IGF2BP1: variants seen among roughly 807,000 people sequenced by gnomAD.
IGF2BP1 encodes the protein insulin-like growth factor 2 mRNA-binding protein 1.
A neutral mutation model predicts 74.9 loss-of-function variants in IGF2BP1; 11 were observed. The observed-to-expected ratio is 0.15, with a 90% confidence interval of 0.09 to 0.24. IGF2BP1 has a LOEUF of 0.24. Among genes scored for constraint, IGF2BP1 ranks in the 10% least tolerant of loss-of-function variants. The pLI, the probability that IGF2BP1 is intolerant of heterozygous loss-of-function variation, is 1.00. For missense variants in IGF2BP1, 440 were observed against 757.4 expected, an observed-to-expected ratio of 0.58 and a Z score of 4.92; for synonymous variants, 287 against 281.8, an observed-to-expected ratio of 1.02 and a Z score of -0.18.
rs1201749575 is a variant in IGF2BP1 at position 49,053,652 on chromosome 17, C to CT, written c.*4210dup. 1 of 152,740 alleles carries CT rather than the reference C, an allele frequency of 6.5e-6. No individual in the cohort carries two copies. The highest frequency in any genetic ancestry group is 1.9e-4 in the East Asian group (1 of 5,192). 9.5% of individuals were successfully genotyped at this position (152,740 alleles called of 1,614,324 possible). ...GGCCTCAGTTAGCTCTCAAGGGTGCCTTCCCCTCCTCCCAACCCAGACATA... is the reference window on the plus strand; with the variant it reads ...GGCCTCAGTTAGCTCTCAAGGGTGCCTTTCCCCTCCTCCCAACCCAGACATA... On this transcript the variant is annotated 3_prime_UTR_variant, in exon 15 of 15. Coordinates refer to ENST00000290341, the MANE Select transcript of IGF2BP1 (RefSeq NM_006546.4).
chr17:48,997,848 G>C lies in IGF2BP1; in HGVS notation c.103G>C (p.Val35Leu), dbSNP rs754101030. The change falls in exon 1 of 15, where the codon GTC becomes CTC. Residue 35 changes from valine to leucine, a missense_variant. Physicochemically the swap from Val to Leu is conservative, Grantham distance 32. Transcript: ENST00000290341. The surrounding 1 kb of genome is among the most constrained non-coding windows in gnomAD (Gnocchi z 4.8). Reference protein sequence around the residue: ...HKISYSGQFLVKSGYAFVDCP... With the variant: ...HKISYSGQFLLKSGYAFVDCP... ...GATCTCCTACAGCGGCCAGTTCTTG[G>C]TCAAATCCGGCTACGCCTTCGTGGA... 6.2e-7 allele frequency: 1 copy of C among 1,614,180 alleles called. No homozygotes were observed. The highest frequency in any genetic ancestry group is 8.5e-7 in the Non-Finnish European group (1 of 1,180,022).
chr17:49,005,293 A>G lies in IGF2BP1; in HGVS notation c.236+6124A>G, dbSNP rs527815369. On this transcript the variant is annotated intron_variant, in intron 2 of 14. Transcript: ENST00000290341. ...ACCTGATTGCAACACACTGAAATGT[A>G]ACTGTGTGCAGAACAAACACCATCA... 3.9e-5 allele frequency among the ~76,000 whole-genome samples: 6 copies of G among 152,360 alleles called. No individual in the cohort carries two copies. In the South Asian group the frequency reaches 6.2e-4, roughly 16 times the overall value.
At chr17:49,024,219 C>T (rs2041825907) in intron 2 of IGF2BP1, among the ~76,000 whole-genome samples, 3 of 151,278 alleles carry the variant, frequency 2.0e-5, no homozygotes, top group Non-Finnish European at 4.4e-5. Context: ...GCGTGAGCCA[C>T]CGCGCGTGGC....
chr17:49,024,301 A>G (rs2041826894), intron 2 of IGF2BP1, among the ~76,000 whole-genome samples: 1 of 151,968 alleles, frequency 6.6e-6, no homozygotes, highest in South Asian at 2.1e-4. Flanking sequence ...GGTCCCAGCT[A>G]TACAGGAGGG....
intron 2 of IGF2BP1, among the ~76,000 whole-genome samples, chr17:49,009,961 TC>T (rs2041596893): frequency 6.6e-6 from 1 of 151,780 alleles, no homozygotes; most frequent in Non-Finnish European, 1.5e-5. Flanking sequence ...GCGCCTGTAA[TC>T]CTAGCTACTC....
chr17:49,012,477 T>C (rs2041632428), intron 2 of IGF2BP1: 1 of 152,206 alleles, frequency 6.6e-6, no homozygotes, highest in South Asian at 2.1e-4. Context: ...CTTCATAAAA[T>C]AAGCTGGATG....
At chr17:49,028,963 T>C (rs1445028966) in intron 4 of IGF2BP1, among the ~76,000 whole-genome samples, 1 of 152,100 alleles carries the variant, frequency 6.6e-6, no homozygotes, top group East Asian at 1.9e-4. Context: ...CCCACTACCA[T>C]GCCCAGCTAA....
At chr17:49,014,978 A>G in intron 2 of IGF2BP1, 1 of 977,322 alleles carries the variant, frequency 1.0e-6, no homozygotes, top group Non-Finnish European at 1.2e-6. Flanking sequence ...GACGCCTTCC[A>G]CTGGGCACCA....
In IGF2BP1 at chr17:49,051,790, G is replaced by A. The variant is rs2042169638; in HGVS notation, c.*2346G>A. ...GGAAAAAAGACAAGGCCACCCTCTC[G>A]CCCTCAGAGAGGTCCACCTGGTTTG... On this transcript the variant is annotated 3_prime_UTR_variant, in exon 15 of 15. Transcript: ENST00000290341. 6.6e-6 allele frequency: 1 copy of A among 151,934 alleles called. No individual in the cohort carries two copies. Among genetic ancestry groups the A allele is most frequent in the African/African-American group, 2.4e-5 (1 of 41,426 alleles). 9.4% of individuals were successfully genotyped at this position (151,934 alleles called of 1,614,324 possible).
Position 49,055,608 on chromosome 17 carries a change from G to T in IGF2BP1, c.*6164G>T. ...AGCACGTTCAAAATGAATTTCAGCA[G>T]ATTATGTGTTACCATAATGAATAAA... On this transcript the variant is annotated 3_prime_UTR_variant, in exon 15 of 15. Transcript: ENST00000290341. The T allele has an allele frequency of 2.5e-6, 1 of 398,596 alleles. No individual in the cohort carries two copies. The allele number at this position is 398,596 out of a possible 1,614,324, so 24.7% of individuals were successfully genotyped here.
In IGF2BP1 at chr17:49,050,931, A is replaced by G. The variant is rs774356775; in HGVS notation, c.*1487A>G. ...TTTAGCTACCCTGGACAATGCTATC[A>G]AGTGTGCTGGGAAGGGAGGAAGGCC... On this transcript the variant is annotated 3_prime_UTR_variant, in exon 15 of 15. Coordinates refer to ENST00000290341, the MANE Select transcript of IGF2BP1 (RefSeq NM_006546.4). 1.3e-5 allele frequency: 2 copies of G among 152,620 alleles called. No individual in the cohort carries two copies. The highest frequency in any genetic ancestry group is 2.9e-5 in the Non-Finnish European group (2 of 68,044). The allele number at this position is 152,620 out of a possible 1,614,324, so 9.5% of individuals were successfully genotyped here. A position where few individuals can be genotyped will look rare whatever the true frequency, so the allele number is the denominator to read the frequency against.
At chr17:49,005,171 T>C (rs1042055232) in intron 2 of IGF2BP1, among the ~76,000 whole-genome samples, 1 of 152,238 alleles carries the variant, frequency 6.6e-6, no homozygotes, top group Non-Finnish European at 1.5e-5. Flanking sequence ...AACAAACTTT[T>C]GCTCTAACCA....
chr17:49,043,564 C>A lies in IGF2BP1; in HGVS notation c.1200+14C>A. On this transcript the variant is annotated intron_variant, in intron 10 of 14. Transcript: ENST00000290341. ...AGCTCCTTTATGGTAGGTGGAAGAT[C>A]TTATTACACGGGATCCCTGGGCCCA... is the stretch of plus-strand genomic sequence containing the variant. 1 of 1,613,266 alleles carries A rather than the reference C, an allele frequency of 6.2e-7. No homozygotes were observed. Among genetic ancestry groups the A allele is most frequent in the Non-Finnish European group, 8.5e-7 (1 of 1,179,380 alleles).
In IGF2BP1 at chr17:49,049,965, G is replaced by A. The variant is rs983526557; in HGVS notation, c.*521G>A. On this transcript the variant is annotated 3_prime_UTR_variant, in exon 15 of 15. Transcript: ENST00000290341. ...ATTGCTACCAGAAAAAAATGCGAACGAATGCATTGCTTTGCTTACAGTATT... is the reference window on the plus strand; with the variant it reads ...ATTGCTACCAGAAAAAAATGCGAACAAATGCATTGCTTTGCTTACAGTATT... 1 of 153,832 alleles carries A rather than the reference G, an allele frequency of 6.5e-6. No individual in the cohort carries two copies. Among genetic ancestry groups the A allele is most frequent in the East Asian group, 1.9e-4 (1 of 5,216 alleles). The allele number at this position is 153,832 out of a possible 1,614,324, so 9.5% of individuals were successfully genotyped here. A position where few individuals can be genotyped will look rare whatever the true frequency, so the allele number is the denominator to read the frequency against.
At chr17:49,002,171 CCCTT>C in intron 2 of IGF2BP1, among the ~76,000 whole-genome samples, 1 of 151,958 alleles carries the variant, frequency 6.6e-6, no homozygotes, top group East Asian at 1.9e-4. Flanking sequence ...TGGGCTAACT[CCCTT>C]AAGTACCTAT....
rs2042164603 is a variant in IGF2BP1 at position 49,051,330 on chromosome 17, A to C, written c.*1886A>C. 1 of 152,664 alleles carries C rather than the reference A, an allele frequency of 6.6e-6. No individual in the cohort carries two copies. Among genetic ancestry groups the C allele is most frequent in the Admixed American group, 6.5e-5 (1 of 15,288 alleles). 9.5% of individuals were successfully genotyped at this position (152,664 alleles called of 1,614,324 possible). Reference sequence around the variant, plus strand: ...ACCCTTTAGGAACTCTCTATGGAGAACAGGCCTGGTGGGAAAGGCTTTGGG... The same window carrying C: ...ACCCTTTAGGAACTCTCTATGGAGACCAGGCCTGGTGGGAAAGGCTTTGGG... On this transcript the variant is annotated 3_prime_UTR_variant, in exon 15 of 15. Transcript: ENST00000290341.
At chr17:49,020,435 G>A (rs552497003) in intron 2 of IGF2BP1, among the ~76,000 whole-genome samples, 3 of 152,120 alleles carry the variant, frequency 2.0e-5, no homozygotes, top group Non-Finnish European at 4.4e-5. Flanking sequence ...TGGTATCAAC[G>A]GATGTTTTAC....
chr17:49,009,941 G>A lies in IGF2BP1; in HGVS notation c.236+10772G>A, dbSNP rs904291402. On this transcript the variant is annotated intron_variant, in intron 2 of 14. Coordinates refer to ENST00000290341, the MANE Select transcript of IGF2BP1 (RefSeq NM_006546.4). ...CTAAAAATACAAAAATTAGTCGGGC[G>A]TGGTGGCGTGCGCCTGTAATCCTAG... Among the ~76,000 whole-genome samples, 6 of 152,048 alleles carry A rather than the reference G, an allele frequency of 3.9e-5. No individual in the cohort carries two copies. The East Asian group carries it at 1.2e-3, about 30-fold the overall frequency.
intron 5 of IGF2BP1, among the ~76,000 whole-genome samples, chr17:49,034,118 T>C (rs1439146876): frequency 1.8e-4 from 25 of 141,664 alleles, no homozygotes; most frequent in African/African-American, 6.6e-4. Flanking sequence ...TTTGCCCCTT[T>C]TTTTTTTTTT....
Sources: allele counts gnomAD v4.1 joint callset (sites outside exome capture counted in the v4.1 genomes callset), GRCh38; gene constraint gnomAD v4.1.1; non-coding constraint Gnocchi (gnomAD v3.1); transcripts MANE v1.5; gene names NCBI Gene and HGNC (gene_info 2026-07-23, HGNC 2026-07-21).